FRA10AC1: variants seen among roughly 807,000 people sequenced by gnomAD.
FRA10AC1 encodes FRA10A associated CGG repeat 1.
Under a neutral mutation model 56.5 loss-of-function variants are expected in FRA10AC1, and 43 were observed. That is an observed-to-expected ratio of 0.76 (90% CI 0.60 to 0.98). The LOEUF (loss-of-function observed/expected upper bound fraction) is 0.98. Among genes scored for constraint, FRA10AC1 ranks in the 50% least tolerant of loss-of-function variants. The pLI, the probability that FRA10AC1 is intolerant of heterozygous loss-of-function variation, is 0.00. For synonymous variants in FRA10AC1, 112 were observed against 110.5 expected, an observed-to-expected ratio of 1.01 and a Z score of -0.09; for missense variants, 346 against 351.8, an observed-to-expected ratio of 0.98 and a Z score of 0.13.
chr10:93,700,594 T>C (rs1391911058), intron 1 of FRA10AC1, among the ~76,000 whole-genome samples: 1 of 152,226 alleles, frequency 6.6e-6, no homozygotes, highest in Non-Finnish European at 1.5e-5. Context: ...ATCCAGTAAG[T>C]GGCTAATCTG....
chr10:93,681,375 A>G, intron 11 of FRA10AC1, 105 bp downstream of exon 11: 1 of 760,178 alleles, frequency 1.3e-6, no homozygotes, highest in Non-Finnish European at 2.1e-6. Context: ...CAACTACCAT[A>G]AAATGAAATT....
At chr10:93,676,849 C>T (rs546370273) in intron 11 of FRA10AC1, among the ~76,000 whole-genome samples, 158 bp from the exon 12 acceptor site, 1 of 152,166 alleles carries the variant, frequency 6.6e-6, no homozygotes, top group Non-Finnish European at 1.5e-5. Flanking sequence ...AGTCTTATCT[C>T]CCTCATTAAA....
At chr10:93,677,024 T>C (rs2058854054) in intron 11 of FRA10AC1, among the ~76,000 whole-genome samples, 1 of 152,210 alleles carries the variant, frequency 6.6e-6, no homozygotes, top group Admixed American at 6.5e-5. Flanking sequence ...TTATTATCTA[T>C]AGAGATGTTC....
At chr10:93,671,447 T>G (rs1480405699) in intron 12 of FRA10AC1, 2 of 153,226 alleles carry the variant, frequency 1.3e-5, no homozygotes, top group Non-Finnish European at 1.5e-5. Context: ...GCAATATAGA[T>G]CAGTTTAAAA....
intron 6 of FRA10AC1, 125 bp from the exon 7 acceptor site, chr10:93,692,218 G>A (rs1041131610): frequency 1.2e-5 from 8 of 659,642 alleles, no homozygotes; most frequent in Non-Finnish European, 1.8e-5. Context: ...TTACTTACAT[G>A]TGCATGGAAT....
At position 93,692,684 on chromosome 10, in the gene FRA10AC1, T is replaced by C; in HGVS notation, c.342A>G (p.Arg114=). ...TTTCGTCCTCCTCATTCCATAGGAA[T>C]CTATGATTTTCTCGTATAACATCCA... ...TDLDVIRENH[R]FLWNEEDEMD... Residue 114 remains arginine (R), a synonymous_variant, in exon 6 of 14, where the codon AGA becomes AGG. Transcript: ENST00000359204. 7 of 1,597,434 alleles carry C rather than the reference T, an allele frequency of 4.4e-6. No individual in the cohort carries two copies. The highest frequency in any genetic ancestry group is 6.0e-6 in the Non-Finnish European group (7 of 1,173,322).
intron 10 of FRA10AC1, among the ~76,000 whole-genome samples, chr10:93,682,646 T>A (rs916675231): frequency 1.3e-5 from 2 of 151,078 alleles, no homozygotes; most frequent in East Asian, 1.9e-4. Flanking sequence ...ACAAAAACTT[T>A]AAAAAAAAAT....
chr10:93,700,136 G>C (rs769977085), intron 1 of FRA10AC1, 30 bp from the exon 2 acceptor site: 1 of 1,256,774 alleles, frequency 8.0e-7, no homozygotes, highest in South Asian at 1.3e-5. Flanking sequence ...CAGCTATTTA[G>C]AATCTATGTT....
chr10:93,682,855 G>T (rs1422886373), intron 10 of FRA10AC1, among the ~76,000 whole-genome samples: 2 of 151,608 alleles, frequency 1.3e-5, no homozygotes, highest in Non-Finnish European at 2.9e-5. Flanking sequence ...CTAATTTTAA[G>T]AATTAAAAAT....
At chr10:93,683,844 T>C (rs528151015) in intron 10 of FRA10AC1, among the ~76,000 whole-genome samples, 1 of 152,258 alleles carries the variant, frequency 6.6e-6, no homozygotes, top group South Asian at 2.1e-4. Context: ...CCACCTCACA[T>C]AGGCCTTTAC....
rs778753606 is a variant in FRA10AC1, at chr10:93,687,422, C to CT, written c.492dup (p.Glu165ArgfsTer14). 1 of 1,515,112 alleles carries CT rather than the reference C, an allele frequency of 6.6e-7. No homozygotes were observed. Among genetic ancestry groups the CT allele is most frequent in the Non-Finnish European group, 9.0e-7 (1 of 1,116,074 alleles). The allele number at this position is 1,515,112 out of a possible 1,614,324, so 93.9% of individuals were successfully genotyped here. On this transcript the variant is annotated frameshift_variant, in exon 8 of 14. Transcript: ENST00000359204. LOFTEE classifies it high-confidence loss of function. Reference sequence around the variant, plus strand: ...GAATTACCTTTTCCTGAAATTACTTCTTTTTCTACTCGCCACCTAAATCCA... The same window carrying CT: ...GAATTACCTTTTCCTGAAATTACTTCTTTTTTCTACTCGCCACCTAAATCCA...
intron 10 of FRA10AC1, among the ~76,000 whole-genome samples, chr10:93,682,563 G>T (rs530306734): frequency 5.3e-5 from 8 of 152,256 alleles, no homozygotes; most frequent in African/African-American, 1.7e-4. Flanking sequence ...CACCTTGGGC[G>T]GCTGAGGCAG....
chr10:93,694,849 C>G lies in FRA10AC1; in HGVS notation c.296+12G>C, dbSNP rs758411250. On this transcript the variant is annotated intron_variant, in intron 5 of 13. Transcript: ENST00000359204. ...CCCACATTCCCTTCTATGTAAACTTCCTGATACTTACCCCAAACGCTTGAA... is the reference window on the plus strand; with the variant it reads ...CCCACATTCCCTTCTATGTAAACTTGCTGATACTTACCCCAAACGCTTGAA... 22 of 1,524,436 alleles carry G rather than the reference C, an allele frequency of 1.4e-5. No homozygotes were observed. Among genetic ancestry groups the G allele is most frequent in the Non-Finnish European group, 1.0e-5 (11 of 1,099,902 alleles). 94.4% of individuals were successfully genotyped at this position (1,524,436 alleles called of 1,614,324 possible). A position where few individuals can be genotyped will look rare whatever the true frequency, so the allele number is the denominator to read the frequency against.
chr10:93,681,723 TAAGG>T (rs1269679855), intron 10 of FRA10AC1, 125 bp from the exon 11 acceptor site: 15 of 794,224 alleles, frequency 1.9e-5, no homozygotes, highest in Non-Finnish European at 2.5e-5. Context: ...ATTTATATAA[TAAGG>T]AACGTTAAGT....
chr10:93,687,088 G>T (rs898757709), intron 8 of FRA10AC1, among the ~76,000 whole-genome samples: 13 of 151,684 alleles, frequency 8.6e-5, no homozygotes, highest in Admixed American at 6.6e-4. Flanking sequence ...AATAAAGAAA[G>T]GAAAAAAATA....
rs933687752 is a variant in FRA10AC1 at position 93,686,957 on chromosome 10, T to A, written c.511+447A>T. ...GTATTTGGGCTCAATATAAGGGACT[T>A]CCAAAAATGAGTACTAGCCTGCCCC... is the stretch of plus-strand genomic sequence containing the variant. On this transcript the variant is annotated intron_variant, in intron 8 of 13. Transcript: ENST00000359204. Among the ~76,000 whole-genome samples the A allele has an allele frequency of 3.3e-5, 5 of 151,930 alleles. No homozygotes were observed. In the East Asian group the frequency reaches 9.6e-4, roughly 29 times the overall value.
rs1320925155 is a variant in FRA10AC1 at position 93,687,265 on chromosome 10, T to A, written c.511+139A>T. 7 of 610,440 alleles carry A rather than the reference T, an allele frequency of 1.1e-5. No individual in the cohort carries two copies. The East Asian group carries it at 1.3e-4, about 12-fold the overall frequency. The allele number at this position is 610,440 out of a possible 1,614,324, so 37.8% of individuals were successfully genotyped here. ...TATTCAGACCTTTGCTAATAATGTA[T>A]CATGAATACACCTTCTCTAATTTTA... On this transcript the variant is annotated intron_variant, in intron 8 of 13. Transcript: ENST00000359204.
At chr10:93,691,350 T>C (rs2059121725) in intron 7 of FRA10AC1, among the ~76,000 whole-genome samples, 1 of 152,044 alleles carries the variant, frequency 6.6e-6, no homozygotes, top group Non-Finnish European at 1.5e-5. Flanking sequence ...TAATTTTTTT[T>C]AGTTTTTGTG....
chr10:93,702,193 T>C (rs1480330293), intron 1 of FRA10AC1, among the ~76,000 whole-genome samples, 182 bp downstream of exon 1: 1 of 149,512 alleles, frequency 6.7e-6, no homozygotes, highest in Non-Finnish European at 1.5e-5. Context: ...ACGAATCAAC[T>C]GACAAGAGCG....
Sources: gnomAD v4.1 joint callset for allele counts (sites outside exome capture counted in the v4.1 genomes callset) on GRCh38, gnomAD v4.1.1 for gene constraint, MANE v1.5 for transcripts, NCBI Gene and HGNC (gene_info 2026-07-23, HGNC 2026-07-21) for gene names.